Variants in RSU1 observed in about 807,000 individuals in gnomAD.
RSU1 encodes the protein Ras suppressor protein 1, also known as rsu-1.
Under a neutral mutation model 31.1 loss-of-function variants are expected in RSU1, and 26 were observed. The observed-to-expected ratio is 0.84, with a 90% confidence interval of 0.61 to 1.16. The LOEUF (loss-of-function observed/expected upper bound fraction) is 1.16. Ranked by LOEUF, RSU1 falls within the 50% of genes most tolerant of loss-of-function variation. The pLI, the probability that RSU1 is intolerant of heterozygous loss-of-function variation, is 0.00. For synonymous variants in RSU1, 164 were observed against 136.3 expected, an observed-to-expected ratio of 1.20 and a Z score of -1.41; for missense variants, 320 against 339.1, an observed-to-expected ratio of 0.94 and a Z score of 0.44.
At chr10:16,759,925 G>A (rs1837174624) in intron 4 of RSU1, among the ~76,000 whole-genome samples, 1 of 152,230 alleles carries the variant, frequency 6.6e-6, no homozygotes, top group South Asian at 2.1e-4. Context: ...GTGATCTCCT[G>A]TGTGTATGCT....
intron 2 of RSU1, among the ~76,000 whole-genome samples, chr10:16,787,910 T>A (rs944514674): frequency 1.3e-5 from 2 of 152,230 alleles, no homozygotes; most frequent in African/African-American, 4.8e-5. Flanking sequence ...AGAAAGAGGC[T>A]AAGGGGAAGA....
Position 16,710,505 on chromosome 10 carries a change from G to T in RSU1, c.599-15350C>A, listed in dbSNP as rs1161292860. ...TATCGTTGTCTGGTTTCAGGATCAG[G>T]GTAATGCTGGCCTCATAAAATTTTA... On this transcript the variant is annotated intron_variant, in intron 7 of 8. Coordinates refer to ENST00000345264, the MANE Select transcript of RSU1 (RefSeq NM_012425.4). Among the ~76,000 whole-genome samples the T allele has an allele frequency of 5.9e-5, 9 of 152,056 alleles. No homozygotes were observed. The East Asian group carries it at 1.4e-3, about 23-fold the overall frequency.
chr10:16,760,286 G>A (rs772269124), intron 4 of RSU1, among the ~76,000 whole-genome samples: 3 of 152,128 alleles, frequency 2.0e-5, no homozygotes, highest in Non-Finnish European at 4.4e-5. Flanking sequence ...GAGGCAGGTG[G>A]ATCACCTGAG....
At chr10:16,686,180 G>A (rs1835436610) in intron 8 of RSU1, among the ~76,000 whole-genome samples, 1 of 152,058 alleles carries the variant, frequency 6.6e-6, no homozygotes, top group Non-Finnish European at 1.5e-5. Context: ...AGAAACCAGA[G>A]TTCAATAAAA....
At chr10:16,811,771 A>G (rs528379782) in intron 2 of RSU1, among the ~76,000 whole-genome samples, 2 of 152,346 alleles carry the variant, frequency 1.3e-5, no homozygotes, top group South Asian at 4.1e-4. Flanking sequence ...GCCTGCAGGA[A>G]GGAGACAGAG....
intron 8 of RSU1, among the ~76,000 whole-genome samples, chr10:16,671,386 T>C (rs1218861774): frequency 6.6e-6 from 1 of 152,156 alleles, no homozygotes; most frequent in Non-Finnish European, 1.5e-5. Flanking sequence ...GTTTGAGGCT[T>C]TGTTCTACAT....
intron 8 of RSU1, among the ~76,000 whole-genome samples, chr10:16,692,344 A>G (rs529204311): frequency 2.0e-5 from 3 of 152,326 alleles, no homozygotes; most frequent in South Asian, 2.1e-4. Context: ...CCAGAAACTC[A>G]CAATTTAATC....
chr10:16,698,396 G>A (rs1000714024), intron 7 of RSU1, among the ~76,000 whole-genome samples: 31 of 152,106 alleles, frequency 2.0e-4, no homozygotes, highest in Non-Finnish European at 2.9e-4. Flanking sequence ...TTCTACTACT[G>A]ACGGCCTGCA....
intron 7 of RSU1, among the ~76,000 whole-genome samples, chr10:16,729,531 G>A (rs1836461599): frequency 6.6e-6 from 1 of 152,086 alleles, no homozygotes; most frequent in Non-Finnish European, 1.5e-5. Context: ...GGCCAAGGAA[G>A]GCCAAGGAAG....
At chr10:16,730,454 C>G (rs1372775500) in intron 7 of RSU1, among the ~76,000 whole-genome samples, 3 of 152,174 alleles carry the variant, frequency 2.0e-5, no homozygotes, top group African/African-American at 7.2e-5. Flanking sequence ...AGTGCAGTGT[C>G]TTGGACAACG....
intron 4 of RSU1, among the ~76,000 whole-genome samples, chr10:16,756,364 A>G (rs1308249762): frequency 6.6e-6 from 1 of 152,172 alleles, no homozygotes. Flanking sequence ...AAATCATACA[A>G]TTGACCCTTG....
At chr10:16,647,023 G>A (rs951521896) in intron 8 of RSU1, among the ~76,000 whole-genome samples, 1 of 151,968 alleles carries the variant, frequency 6.6e-6, no homozygotes, top group Non-Finnish European at 1.5e-5. Flanking sequence ...CTGTCTCCAG[G>A]CTGGAGTGCA....
intron 4 of RSU1, among the ~76,000 whole-genome samples, chr10:16,756,175 G>C (rs1837080976): frequency 6.6e-6 from 1 of 152,076 alleles, no homozygotes. Context: ...TGATGGCCAG[G>C]GGCTGGAGGG....
chr10:16,708,476 C>T (rs981527898), intron 7 of RSU1, among the ~76,000 whole-genome samples: 2 of 152,006 alleles, frequency 1.3e-5, no homozygotes, highest in African/African-American at 4.8e-5. Flanking sequence ...AATCTAAGTT[C>T]TTTAGGAGTC....
intron 8 of RSU1, among the ~76,000 whole-genome samples, chr10:16,681,987 A>G (rs1835335310): frequency 6.6e-6 from 1 of 152,146 alleles, no homozygotes; most frequent in Non-Finnish European, 1.5e-5. Context: ...TATGAAAATA[A>G]GCACTCCATC....
intron 2 of RSU1, among the ~76,000 whole-genome samples, chr10:16,812,913 G>T (rs974758311): frequency 9.2e-5 from 14 of 151,842 alleles, no homozygotes; most frequent in Admixed American, 1.3e-4. Context: ...TGCTGCTTGG[G>T]AAAGAGTTTC....
chr10:16,809,986 C>T (rs1226042731), intron 2 of RSU1, among the ~76,000 whole-genome samples: 1 of 76,964 alleles, frequency 1.3e-5, no homozygotes, highest in East Asian at 3.8e-4. Flanking sequence ...TTTGGGAGGC[C>T]GGGGGTGGGG....
intron 2 of RSU1, among the ~76,000 whole-genome samples, chr10:16,785,457 T>TATATATACAC (rs879683799): frequency 1.6e-5 from 2 of 122,708 alleles, no homozygotes; most frequent in African/African-American, 6.9e-5. Flanking sequence ...TATACATATA[T>TATATATACAC]ACATATATAT....
chr10:16,782,913 ATTT>A (rs397956304), intron 2 of RSU1, among the ~76,000 whole-genome samples: 8 of 96,884 alleles, frequency 8.3e-5, no homozygotes, highest in African/African-American at 2.2e-4. Flanking sequence ...AATTTTTCCT[ATTT>A]TTTTTTTTTT....
Sources: allele counts gnomAD v4.1 joint callset (sites outside exome capture counted in the v4.1 genomes callset), GRCh38; gene constraint gnomAD v4.1.1; transcripts MANE v1.5; gene names NCBI Gene and HGNC (gene_info 2026-07-23, HGNC 2026-07-21).